Variants in FBXL20 observed in about 807,000 individuals in gnomAD.
The protein encoded by FBXL20 is F-box/LRR-repeat protein 20.
A neutral mutation model predicts 64.0 loss-of-function variants in FBXL20; 11 were observed. The observed-to-expected ratio is 0.17, with a 90% CI of 0.11 to 0.28. FBXL20 has a LOEUF of 0.28. Ranked by LOEUF, FBXL20 falls within the 10% of genes least tolerant of loss-of-function variation. The pLI is 1.00. For synonymous variants in FBXL20, 184 were observed against 189.0 expected (o/e 0.97, Z 0.22); for missense variants, 303 against 526.2 (o/e 0.58, Z 4.15).
intron 9 of FBXL20, among the ~76,000 whole-genome samples, chr17:39,278,119 T>G (rs774706001): frequency 6.6e-6 from 1 of 152,208 alleles, no homozygotes; most frequent in Non-Finnish European, 1.5e-5. Flanking sequence ...TATGTGCATA[T>G]ATATGTGCTT....
chr17:39,362,567 C>G (rs1312248012), intron 1 of FBXL20, among the ~76,000 whole-genome samples: 1 of 151,968 alleles, frequency 6.6e-6, no homozygotes, highest in Non-Finnish European at 1.5e-5. Flanking sequence ...AGGTGATCCA[C>G]CTGCCTCGGC....
At chr17:39,262,722 G>C (rs2046757703) in intron 14 of FBXL20, among the ~76,000 whole-genome samples, 2 of 151,690 alleles carry the variant, frequency 1.3e-5, no homozygotes, top group South Asian at 4.2e-4. Flanking sequence ...TTTTCGGCCG[G>C]GCGCAGTGGC....
intron 9 of FBXL20, among the ~76,000 whole-genome samples, chr17:39,275,402 T>C (rs1027744823): frequency 6.9e-6 from 1 of 145,832 alleles, no homozygotes; most frequent in African/African-American, 2.8e-5. Context: ...ATTAAATAAT[T>C]TTATTTATTT....
chr17:39,375,970 T>G (rs1428194385), intron 1 of FBXL20, among the ~76,000 whole-genome samples: 1 of 151,836 alleles, frequency 6.6e-6, no homozygotes, highest in Non-Finnish European at 1.5e-5. Flanking sequence ...ATACAAAAAA[T>G]TAGCTGGGCA....
At chr17:39,395,147 G>A (rs190267664) in intron 1 of FBXL20, among the ~76,000 whole-genome samples, 69 of 152,234 alleles carry the variant, frequency 4.5e-4, no homozygotes, top group African/African-American at 8.9e-4. Context: ...CTTCTAGGCC[G>A]GGCGTGGTGG....
intron 1 of FBXL20, among the ~76,000 whole-genome samples, chr17:39,362,105 G>A (rs1441771849): frequency 6.6e-6 from 1 of 151,308 alleles, no homozygotes; most frequent in Non-Finnish European, 1.5e-5. Flanking sequence ...GGCTAACACG[G>A]TGAAACCTCG....
Position 39,260,886 on chromosome 17 carries a change from A to C in FBXL20, c.*574T>G, listed in dbSNP as rs1221786402. On this transcript the variant is annotated 3_prime_UTR_variant, in exon 15 of 15. Coordinates refer to ENST00000264658, the MANE Select transcript of FBXL20 (RefSeq NM_032875.3). ...TAGGAAACCTCTGGGCCAAATACTA[A>C]AACACAGGAGGAATGGACGAGCCTT... 6.4e-6 allele frequency: 1 copy of C among 155,776 alleles called. No individual in the cohort carries two copies. Among genetic ancestry groups the C allele is most frequent in the East Asian group, 1.9e-4 (1 of 5,342 alleles). 9.6% of individuals were successfully genotyped at this position (155,776 alleles called of 1,614,324 possible).
At chr17:39,402,292 C>T (rs2144699896), upstream of FBXL20, 1 of 1,084,230 alleles carries the variant, frequency 9.2e-7, no homozygotes, top group South Asian at 4.7e-5. Context: ...TTGCCGCCGC[C>T]GCCGCCTCCC....
chr17:39,355,667 C>A (rs2047729161), intron 1 of FBXL20, among the ~76,000 whole-genome samples: 1 of 151,452 alleles, frequency 6.6e-6, no homozygotes. Flanking sequence ...ACCAGCCTGG[C>A]CACATGGTGA....
chr17:39,362,081 A>G (rs1275330982), intron 1 of FBXL20, among the ~76,000 whole-genome samples: 4 of 151,110 alleles, frequency 2.6e-5, no homozygotes, highest in African/African-American at 9.7e-5. Context: ...AGGTCAGGAG[A>G]TCGAGACCAT....
intron 1 of FBXL20, among the ~76,000 whole-genome samples, chr17:39,353,843 G>A (rs1367271782): frequency 6.6e-6 from 1 of 151,820 alleles, no homozygotes; most frequent in Non-Finnish European, 1.5e-5. Flanking sequence ...GGATGGTCTC[G>A]ACCTCTTGAC....
At chr17:39,329,947 T>C (rs1484339270) in intron 2 of FBXL20, among the ~76,000 whole-genome samples, 2 of 152,072 alleles carry the variant, frequency 1.3e-5, no homozygotes, top group Non-Finnish European at 2.9e-5. Flanking sequence ...CAAACTATGA[T>C]TGTGTCACCT....
chr17:39,334,437 CTCTCCGAGAAACACCCAAG>C (rs1161275531), intron 2 of FBXL20, among the ~76,000 whole-genome samples: 1 of 151,554 alleles, frequency 6.6e-6, no homozygotes, highest in Non-Finnish European at 1.5e-5. Context: ...CCAAATCCCC[CTCTCCGAGAAACACCCAAG>C]AATGATCAAT....
chr17:39,269,217 G>A (rs1329739035), intron 11 of FBXL20, among the ~76,000 whole-genome samples: 1 of 151,764 alleles, frequency 6.6e-6, no homozygotes, highest in African/African-American at 2.4e-5. Flanking sequence ...TTTTGAGATG[G>A]AGTCTGGCTC....
chr17:39,329,114 A>G (rs1235080127), intron 2 of FBXL20, among the ~76,000 whole-genome samples: 2 of 152,004 alleles, frequency 1.3e-5, no homozygotes, highest in African/African-American at 4.8e-5. Flanking sequence ...AAACAAAGGG[A>G]AAAAAAAGTA....
rs2046728915 is a variant in FBXL20, at chr17:39,259,816, C to G, written c.*1644G>C. On this transcript the variant is annotated 3_prime_UTR_variant, in exon 15 of 15. Transcript: ENST00000264658. ...CTGGCCAACATGTGAAACCCCATCT[C>G]TACTAAAAATACAAAAATTAGCCAG... 1 of 151,756 alleles carries G rather than the reference C, an allele frequency of 6.6e-6. No homozygotes were observed. Among genetic ancestry groups the G allele is most frequent in the Non-Finnish European group, 1.5e-5 (1 of 67,978 alleles). 9.4% of individuals were successfully genotyped at this position (151,756 alleles called of 1,614,324 possible).
In FBXL20 at chr17:39,260,260, C is replaced by T. The variant is rs1383205338; in HGVS notation, c.*1200G>A. The stretch of plus-strand genomic sequence containing the variant: ...GATGCCACTGATCACTCCTAGATTT[C>T]AGTAAATATATAATAACATTAATCA... On this transcript the variant is annotated 3_prime_UTR_variant, in exon 15 of 15. Transcript: ENST00000264658. 6.6e-6 allele frequency: 1 copy of T among 152,172 alleles called. No homozygotes were observed. The highest frequency in any genetic ancestry group is 1.5e-5 in the Non-Finnish European group (1 of 68,026). 9.4% of individuals were successfully genotyped at this position (152,172 alleles called of 1,614,324 possible).
chr17:39,388,506 C>T (rs1009919299), intron 1 of FBXL20, among the ~76,000 whole-genome samples: 12 of 145,096 alleles, frequency 8.3e-5, no homozygotes, highest in Admixed American at 6.9e-4. Context: ...TTTTTTGAGA[C>T]GGCGTCTCGC....
rs956116282 is a variant in FBXL20 at position 39,257,381 on chromosome 17, G to A, written c.*4079C>T. 3.3e-5 allele frequency: 5 copies of A among 152,198 alleles called. No individual in the cohort carries two copies. The highest frequency in any genetic ancestry group is 3.3e-4 in the Admixed American group (5 of 15,272). The allele number at this position is 152,198 out of a possible 1,614,324, so 9.4% of individuals were successfully genotyped here. On this transcript the variant is annotated 3_prime_UTR_variant, in exon 15 of 15. Coordinates refer to ENST00000264658, the MANE Select transcript of FBXL20 (RefSeq NM_032875.3). Reference sequence around the variant, plus strand: ...AATTTACTAGGTTTCCCTATAAAATGTTTGATACAAGGGATATGTGAAACT... The same window carrying A: ...AATTTACTAGGTTTCCCTATAAAATATTTGATACAAGGGATATGTGAAACT...
Sources: gnomAD v4.1 joint callset for allele counts (sites outside exome capture counted in the v4.1 genomes callset) on GRCh38, gnomAD v4.1.1 for gene constraint, MANE v1.5 for transcripts, NCBI Gene and HGNC (gene_info 2026-07-23, HGNC 2026-07-21) for gene names.